The following DNER variants were observed in gnomAD, a reference collection of about 807,000 sequenced individuals.
DNER encodes the protein delta and Notch-like epidermal growth factor-related receptor.
In DNER, 33 loss-of-function variants were observed where a neutral mutation model predicts 78.2. That is an observed-to-expected ratio of 0.42 (90% CI 0.32 to 0.56). The LOEUF is 0.56. Ranked by LOEUF, DNER falls within the 20% of genes least tolerant of loss-of-function variation. The probability of loss-of-function intolerance (pLI) is 0.11; values close to 1 mark genes in which losing one functional copy is unlikely to be tolerated. For synonymous variants in DNER, 417 were observed against 384.8 expected (o/e 1.08, Z -0.98); for missense variants, 918 against 975.3 (o/e 0.94, Z 0.78).
intron 9 of DNER, among the ~76,000 whole-genome samples, chr2:229,408,913 C>T (rs943575189): frequency 6.6e-6 from 1 of 152,076 alleles, no homozygotes; most frequent in African/African-American, 2.4e-5. Flanking sequence ...AGATCTTTGC[C>T]TTTCTTTCCT....
intron 1 of DNER, among the ~76,000 whole-genome samples, chr2:229,608,681 C>A (rs529943348): frequency 6.6e-6 from 1 of 152,164 alleles, no homozygotes; most frequent in Non-Finnish European, 1.5e-5. Flanking sequence ...TGAAAGCTTA[C>A]AACCCAACTT....
At chr2:229,453,676 TCCTAGCACCTACCCCA>T (rs1299288408) in intron 7 of DNER, among the ~76,000 whole-genome samples, 1 of 151,958 alleles carries the variant, frequency 6.6e-6, no homozygotes, top group Non-Finnish European at 1.5e-5. Flanking sequence ...TCTCACTCTC[TCCTAGCACCTACCCCA>T]CCCTTTCTGC....
At chr2:229,504,980 A>C (rs1458769026) in intron 6 of DNER, among the ~76,000 whole-genome samples, 3 of 152,194 alleles carry the variant, frequency 2.0e-5, no homozygotes, top group African/African-American at 7.2e-5. Flanking sequence ...AGAACATTGC[A>C]TAGGACCCTC....
chr2:229,670,987 G>T (rs1186560977), intron 1 of DNER, among the ~76,000 whole-genome samples: 1 of 152,080 alleles, frequency 6.6e-6, no homozygotes, highest in East Asian at 1.9e-4. Flanking sequence ...GTGACTGCAG[G>T]GAGGGGGAAT....
In DNER at chr2:229,380,723, G is replaced by A. The variant is rs141292504; in HGVS notation, c.1855+7542C>T. 5.2e-3 allele frequency among the ~76,000 whole-genome samples: 789 copies of A among 152,080 alleles called. 1 individual carries two copies. The highest frequency in any genetic ancestry group is 9.0e-3 in the Non-Finnish European group (614 of 67,990). On this transcript the variant is annotated intron_variant, in intron 11 of 12. Transcript: ENST00000341772. ...AGGTGGATCATGAGGTCAAGAGATC[G>A]AGACCATCCTGGCCAACATAGTGAA...
chr2:229,667,186 C>T (rs1369756044), intron 1 of DNER, among the ~76,000 whole-genome samples: 4 of 152,178 alleles, frequency 2.6e-5, no homozygotes, highest in African/African-American at 7.2e-5. Flanking sequence ...ATAATGGCTC[C>T]TGTCTGATAT....
At chr2:229,502,601 C>A (rs748034901) in intron 6 of DNER, among the ~76,000 whole-genome samples, 1 of 151,806 alleles carries the variant, frequency 6.6e-6, no homozygotes, top group Non-Finnish European at 1.5e-5. Flanking sequence ...GTTTACCCTG[C>A]GGAAGATGAA....
At chr2:229,444,803 C>T (rs1318255321) in intron 8 of DNER, among the ~76,000 whole-genome samples, 2 of 151,942 alleles carry the variant, frequency 1.3e-5, no homozygotes, top group East Asian at 1.9e-4. Context: ...GCAGGAGAAT[C>T]GCTTGAACCC....
chr2:229,542,858 A>C (rs1452290854), intron 5 of DNER, among the ~76,000 whole-genome samples: 1 of 151,958 alleles, frequency 6.6e-6, no homozygotes, highest in African/African-American at 2.4e-5. Context: ...TTTCTCTCCA[A>C]CTTAACAGTG....
rs139114799 is a variant in DNER, at chr2:229,588,433, C to T, written c.641G>A (p.Arg214His). 5.6e-5 allele frequency: 88 copies of T among 1,578,432 alleles called. No homozygotes were observed. The highest frequency in any genetic ancestry group is 8.5e-5 in the Admixed American group (5 of 58,678). ...NASSNSSAGG[R>H]LVSFEVPQNT... ...CTGTGGCACTTCAAAGGATACCAGG[C>T]GGCCACCCGCAGAGCTGTTAGAACT... Residue 214 changes from arginine (R) to histidine (H), a missense_variant, in exon 3 of 13, where the codon CGC becomes CAC. Coordinates refer to ENST00000341772, the MANE Select transcript of DNER (RefSeq NM_139072.4).
intron 7 of DNER, among the ~76,000 whole-genome samples, chr2:229,449,194 A>C (rs1403224308): frequency 6.6e-6 from 1 of 152,208 alleles, no homozygotes; most frequent in Non-Finnish European, 1.5e-5. Flanking sequence ...GGCAGCCTCA[A>C]GTGGAATATA....
At chr2:229,477,815 T>C (rs76850246) in intron 6 of DNER, among the ~76,000 whole-genome samples, 18,980 of 152,244 alleles carry the variant, frequency 0.12, 1,325 homozygotes, top group South Asian at 0.2. Flanking sequence ...CACATTAATA[T>C]ATTTTTATTT....
intron 1 of DNER, among the ~76,000 whole-genome samples, chr2:229,659,846 G>A (rs1693845355): frequency 6.6e-6 from 1 of 152,072 alleles, no homozygotes; most frequent in African/African-American, 2.4e-5. Context: ...AGAGCACGCT[G>A]GCGGCTGCAG....
chr2:229,521,987 T>C (rs919950972), intron 5 of DNER, among the ~76,000 whole-genome samples: 2 of 152,196 alleles, frequency 1.3e-5, no homozygotes, highest in Admixed American at 6.5e-5. Flanking sequence ...CATTCTTTTA[T>C]TCGGGTTCAG....
intron 1 of DNER, among the ~76,000 whole-genome samples, chr2:229,607,398 C>A (rs1391528775): frequency 1.3e-5 from 2 of 152,206 alleles, no homozygotes; most frequent in African/African-American, 4.8e-5. Context: ...TGCATATTAT[C>A]TCTGAGGCTC....
intron 1 of DNER, among the ~76,000 whole-genome samples, chr2:229,627,955 G>A (rs1043524898): frequency 6.6e-6 from 1 of 152,196 alleles, no homozygotes; most frequent in Non-Finnish European, 1.5e-5. Context: ...GAGTGACATT[G>A]CCACTTTCCA....
At chr2:229,629,739 G>A (rs1698403009) in intron 1 of DNER, among the ~76,000 whole-genome samples, 1 of 152,208 alleles carries the variant, frequency 6.6e-6, no homozygotes, top group Non-Finnish European at 1.5e-5. Context: ...TGGGCATTCT[G>A]GGACAGCACC....
At chr2:229,520,452 T>C (rs1217408706) in intron 5 of DNER, among the ~76,000 whole-genome samples, 2 of 152,154 alleles carry the variant, frequency 1.3e-5, no homozygotes, top group Non-Finnish European at 2.9e-5. Context: ...GCCAGCCTAA[T>C]TCCAAACTAC....
chr2:229,613,772 G>C (rs537423791), intron 1 of DNER, among the ~76,000 whole-genome samples: 9 of 152,108 alleles, frequency 5.9e-5, no homozygotes, highest in Non-Finnish European at 8.8e-5. Context: ...GACAGTTTGA[G>C]CTGGGTGAAT....
Sources: gnomAD v4.1 joint callset for allele counts (sites outside exome capture counted in the v4.1 genomes callset) on GRCh38, gnomAD v4.1.1 for gene constraint, MANE v1.5 for transcripts, NCBI Gene and HGNC (gene_info 2026-07-23, HGNC 2026-07-21) for gene names.